The following ARK2N variants were observed in gnomAD, a reference collection of about 807,000 sequenced individuals.
ARK2N encodes the protein protein ARK2N.
the ARK2N span, among the ~76,000 whole-genome samples, chr18:46,208,040 A>G: frequency 1.3e-5 from 2 of 152,228 alleles, no homozygotes; most frequent in African/African-American, 4.8e-5. Context: ...CCTTCTCTGC[A>G]CTTGTATTTA....
chr18:46,236,342 T>C, the ARK2N span, among the ~76,000 whole-genome samples: 1 of 152,196 alleles, frequency 6.6e-6, no homozygotes, highest in Non-Finnish European at 1.5e-5. Context: ...TTAACTTTTC[T>C]TGTGTTGTGA....
chr18:46,257,281 T>G, the ARK2N span, among the ~76,000 whole-genome samples: 14 of 152,312 alleles, frequency 9.2e-5, no homozygotes, highest in Non-Finnish European at 1.8e-4. Flanking sequence ...GCATTTTGTT[T>G]GGCCTTTGCA....
At chr18:46,182,499 CTTGG>C in the ARK2N span, among the ~76,000 whole-genome samples, 1 of 152,054 alleles carries the variant, frequency 6.6e-6, no homozygotes, top group Non-Finnish European at 1.5e-5. Flanking sequence ...ATCTCAGCAC[CTTGG>C]GAGGCAGAGT....
At chr18:46,229,102 A>C in the ARK2N span, among the ~76,000 whole-genome samples, 1 of 151,956 alleles carries the variant, frequency 6.6e-6, no homozygotes, top group Non-Finnish European at 1.5e-5. Flanking sequence ...TGTGGTTTGG[A>C]GAGTTTAACT....
the ARK2N span, among the ~76,000 whole-genome samples, chr18:46,209,198 C>T: frequency 1.3e-5 from 2 of 151,874 alleles, no homozygotes; most frequent in Non-Finnish European, 2.9e-5. Flanking sequence ...GGAAATTGAG[C>T]ATTGTGAATT....
chr18:46,201,888 C>T, the ARK2N span, among the ~76,000 whole-genome samples: 2 of 151,834 alleles, frequency 1.3e-5, no homozygotes, highest in Non-Finnish European at 2.9e-5. Flanking sequence ...AGCGATTCTC[C>T]TCCTTCAGCC....
the ARK2N span, among the ~76,000 whole-genome samples, chr18:46,186,793 C>T: frequency 1.3e-5 from 2 of 151,756 alleles, no homozygotes; most frequent in African/African-American, 4.8e-5. Flanking sequence ...CAGGCGTGAG[C>T]CCCCGTGCCC....
the ARK2N span, among the ~76,000 whole-genome samples, chr18:46,247,330 A>G: frequency 6.6e-6 from 1 of 152,240 alleles, no homozygotes; most frequent in Non-Finnish European, 1.5e-5. Context: ...AAGACTGGTT[A>G]TTCAGAAATA....
chr18:46,181,879 A>G, the ARK2N span, among the ~76,000 whole-genome samples: 2 of 152,180 alleles, frequency 1.3e-5, no homozygotes, highest in African/African-American at 4.8e-5. Flanking sequence ...TAGTGCTGGG[A>G]TTACAGATGT....
the ARK2N span, among the ~76,000 whole-genome samples, chr18:46,195,648 C>T: frequency 0.011 from 1,634 of 142,738 alleles, 20 homozygotes; most frequent in Admixed American, 0.017. Context: ...ACGATCTGGA[C>T]TCACTGCAGC....
chr18:46,216,425 G>C, the ARK2N span: 1 of 1,613,960 alleles, frequency 6.2e-7, no homozygotes, highest in Admixed American at 1.7e-5. The surrounding 1 kb of genome is among the most constrained non-coding windows in gnomAD (Gnocchi z 4.3). Flanking sequence ...CACAAGGAGA[G>C]GATCAGGCTA....
the ARK2N span, among the ~76,000 whole-genome samples, chr18:46,230,205 G>A: frequency 7.2e-5 from 11 of 152,140 alleles, no homozygotes; most frequent in South Asian, 1.2e-3. Flanking sequence ...GATTACAGGC[G>A]TGAGGCACCG....
chr18:46,185,630 A>G, the ARK2N span, among the ~76,000 whole-genome samples: 4 of 152,316 alleles, frequency 2.6e-5, no homozygotes, highest in South Asian at 4.1e-4. Flanking sequence ...TTTTATCTTC[A>G]TGCATTGCAA....
chr18:46,219,573 G>A, the ARK2N span, among the ~76,000 whole-genome samples: 2 of 151,682 alleles, frequency 1.3e-5, no homozygotes, highest in Non-Finnish European at 2.9e-5. Context: ...AGGTTCAAGC[G>A]ATTCTCCTGC....
chr18:46,266,496 C>T, the ARK2N span: 3 of 152,496 alleles, frequency 2.0e-5, no homozygotes, highest in Non-Finnish European at 4.4e-5. Flanking sequence ...TAAAACACTA[C>T]TTACTTCTTA....
At chr18:46,199,506 T>TA in the ARK2N span, among the ~76,000 whole-genome samples, 3 of 111,608 alleles carry the variant, frequency 2.7e-5, no homozygotes, top group East Asian at 2.4e-4. Flanking sequence ...TTTTTTTTTT[T>TA]AGTAGAGGTG....
chr18:46,221,497 T>C, the ARK2N span, among the ~76,000 whole-genome samples: 2 of 149,418 alleles, frequency 1.3e-5, no homozygotes, highest in East Asian at 4.0e-4. Context: ...GAGGTGGATG[T>C]TGCAGTGAGC....
chr18:46,175,117 C>A, the ARK2N span, among the ~76,000 whole-genome samples: 1 of 151,090 alleles, frequency 6.6e-6, no homozygotes, highest in East Asian at 2.0e-4. Context: ...TGTCCACCCC[C>A]CCGCCCCGAC....
the ARK2N span, among the ~76,000 whole-genome samples, chr18:46,208,464 CTTTTTTTT>C: frequency 0.031 from 2,108 of 68,532 alleles, 61 homozygotes; most frequent in African/African-American, 0.096. Flanking sequence ...GTTCTTAAAT[CTTTTTTTT>C]TTTTTTTTTT....
Sources: allele counts gnomAD v4.1 joint callset (sites outside exome capture counted in the v4.1 genomes callset), GRCh38; gene constraint gnomAD v4.1.1; non-coding constraint Gnocchi (gnomAD v3.1); transcripts MANE v1.5; gene names NCBI Gene and HGNC (gene_info 2026-07-23, HGNC 2026-07-21).